PAQR3: variants seen among roughly 807,000 people sequenced by gnomAD.
PAQR3 encodes the protein Raf kinase trapping to Golgi.
A neutral mutation model predicts 41.7 loss-of-function variants in PAQR3; 39 were observed. The observed-to-expected ratio is 0.93, with a 90% CI of 0.72 to 1.22. PAQR3 has a LOEUF of 1.22. Ranked by LOEUF, PAQR3 falls within the 50% of genes most tolerant of loss-of-function variation. The pLI is 0.00. For missense variants in PAQR3, 366 were observed against 385.6 expected (o/e 0.95, Z 0.42); for synonymous variants, 140 against 140.6 (o/e 1.00, Z 0.03).
At chr4:78,930,380 T>C (rs1430473621) in intron 2 of PAQR3, 55 bp from the exon 3 acceptor site, 2 of 1,532,426 alleles carry the variant, frequency 1.3e-6, no homozygotes, top group Non-Finnish European at 1.8e-6. Flanking sequence ...AAGCAACTTA[T>C]GCATGATATT....
chr4:78,931,742 T>C (rs1309134722), intron 2 of PAQR3, among the ~76,000 whole-genome samples: 1 of 152,172 alleles, frequency 6.6e-6, no homozygotes, highest in Non-Finnish European at 1.5e-5. Context: ...AGGCAGATTT[T>C]AAAAGTTGGG....
At chr4:78,903,996 C>T (rs12644502) in intron 11 of PAQR3, among the ~76,000 whole-genome samples, 10,520 of 151,788 alleles carry the variant, frequency 0.069, 507 homozygotes, top group East Asian at 0.22. Flanking sequence ...AGATTTCTTA[C>T]GTATAAAAAG....
Position 78,939,261 on chromosome 4 carries a change from C to T in PAQR3, c.-37G>A. 6.4e-7 allele frequency: 1 copy of T among 1,553,660 alleles called. No individual in the cohort carries two copies. The highest frequency in any genetic ancestry group is 1.2e-5 in the South Asian group (1 of 84,152). On this transcript the variant is annotated 5_prime_UTR_variant, in exon 1 of 6. Transcript: ENST00000512733. ...GCCGCCGCTCCCCGGCTCGGGAGCT[C>T]CCCCAGGTCCCGCCTCCCCGGGGAG...
chr4:78,935,066 G>A (rs533435040), intron 2 of PAQR3, 55 bp downstream of exon 2: 6 of 1,562,628 alleles, frequency 3.8e-6, no homozygotes, highest in South Asian at 3.5e-5. Flanking sequence ...ACCTGACCAA[G>A]ACTGCCTGTC....
At chr4:78,929,792 A>G (rs1481149099) in intron 3 of PAQR3, among the ~76,000 whole-genome samples, 1 of 152,232 alleles carries the variant, frequency 6.6e-6, no homozygotes, top group African/African-American at 2.4e-5. Flanking sequence ...GCAGTAACCA[A>G]CTTCATAATT....
chr4:78,906,998 A>T (rs960788604), downstream of PAQR3, among the ~76,000 whole-genome samples: 2 of 152,156 alleles, frequency 1.3e-5, no homozygotes, highest in African/African-American at 4.8e-5. Context: ...AGTGAAATTG[A>T]TACTAAAAAA....
In PAQR3 at chr4:78,921,029, G is replaced by A. The variant is rs541776626; in HGVS notation, c.794-348C>T. Among the ~76,000 whole-genome samples, 12 of 152,002 alleles carry A rather than the reference G, an allele frequency of 7.9e-5. No homozygotes were observed. In the South Asian group the frequency reaches 2.3e-3, roughly 29 times the overall value. On this transcript the variant is annotated intron_variant, in intron 5 of 5. Coordinates refer to ENST00000512733, the MANE Select transcript of PAQR3 (RefSeq NM_001040202.2). Reference sequence around the variant, plus strand: ...TTATTGAGAGAGGCAAAAGAAACCAGATGTTAAAAATCATGGTGTGATTTA... The same window carrying A: ...TTATTGAGAGAGGCAAAAGAAACCAAATGTTAAAAATCATGGTGTGATTTA...
intron 12 of PAQR3, among the ~76,000 whole-genome samples, chr4:78,887,798 G>A (rs1733180484): frequency 6.6e-6 from 1 of 152,158 alleles, no homozygotes; most frequent in Admixed American, 6.6e-5. Flanking sequence ...ACACTTGGAA[G>A]ATACTAGGAT....
At chr4:78,933,745 T>C (rs976700034) in intron 2 of PAQR3, among the ~76,000 whole-genome samples, 3 of 152,222 alleles carry the variant, frequency 2.0e-5, no homozygotes, top group African/African-American at 7.2e-5. Flanking sequence ...GAAATTGTTG[T>C]AATTATTTAA....
intron 10 of PAQR3, chr4:78,906,247 C>T (rs1734277949): frequency 6.6e-6 from 1 of 152,060 alleles, no homozygotes; most frequent in Admixed American, 6.6e-5. Context: ...AAGTTTATAA[C>T]AGCAGTAAAA....
intron 3 of PAQR3, among the ~76,000 whole-genome samples, chr4:78,928,363 A>G (rs908834071): frequency 6.6e-6 from 1 of 152,230 alleles, no homozygotes; most frequent in Non-Finnish European, 1.5e-5. Context: ...CAACAAGGTT[A>G]CCTGCATATA....
Position 78,931,593 on chromosome 4 carries a change from TA to T in PAQR3, c.349-1269del, listed in dbSNP as rs367963536. 1.1e-3 allele frequency among the ~76,000 whole-genome samples: 161 copies of T among 152,180 alleles called. 4 individuals carry two copies. The South Asian group carries it at 0.031, about 30-fold the overall frequency. On this transcript the variant is annotated intron_variant, in intron 2 of 5. Coordinates refer to ENST00000512733, the MANE Select transcript of PAQR3 (RefSeq NM_001040202.2). Reference sequence around the variant, plus strand: ...TGATACAGAATCACTGAACAAACAGTACAGTAACAAATCCTACTGTACTTCA... The same window carrying T: ...TGATACAGAATCACTGAACAAACAGTCAGTAACAAATCCTACTGTACTTCA...
intron 11 of PAQR3, among the ~76,000 whole-genome samples, chr4:78,904,063 TATGAAA>T (rs1290819170): frequency 6.6e-6 from 1 of 151,886 alleles, no homozygotes; most frequent in African/African-American, 2.4e-5. Flanking sequence ...TAATTGGAAT[TATGAAA>T]GAGTATTAAA....
At chr4:78,923,095 G>A (rs1735826971) in intron 5 of PAQR3, 1 of 396,628 alleles carries the variant, frequency 2.5e-6, no homozygotes, top group Admixed American at 3.0e-5. Context: ...CCTAAAGCCA[G>A]CTTTGTCACC....
intron 11 of PAQR3, chr4:78,899,057 T>C (rs778802674): frequency 9.2e-5 from 14 of 152,244 alleles, no homozygotes; most frequent in Non-Finnish European, 1.8e-4. Context: ...AGGTTGGAAG[T>C]AGAGCAGGTC....
chr4:78,935,323 C>T, intron 1 of PAQR3, 40 bp from the exon 2 acceptor site: 1 of 1,577,702 alleles, frequency 6.3e-7, no homozygotes, highest in Non-Finnish European at 8.6e-7. Context: ...TTCACATTGG[C>T]CAACTTACTG....
chr4:78,928,277 C>G (rs768286260), intron 3 of PAQR3, among the ~76,000 whole-genome samples: 1 of 152,058 alleles, frequency 6.6e-6, no homozygotes. Flanking sequence ...AAGATATAAA[C>G]AGTTTCATGC....
intron 4 of PAQR3, among the ~76,000 whole-genome samples, chr4:78,925,935 T>C: frequency 6.6e-6 from 1 of 152,218 alleles, no homozygotes; most frequent in Middle Eastern, 3.2e-3. Flanking sequence ...TAGCTCTTCT[T>C]TTATTTCTCA....
intron 3 of PAQR3, among the ~76,000 whole-genome samples, chr4:78,928,323 A>G (rs1328610468): frequency 6.6e-6 from 1 of 152,228 alleles, no homozygotes; most frequent in East Asian, 1.9e-4. Context: ...GCAGAAATAA[A>G]TAGCATACTG....
Sources: allele counts gnomAD v4.1 joint callset (sites outside exome capture counted in the v4.1 genomes callset), GRCh38; gene constraint gnomAD v4.1.1; transcripts MANE v1.5; gene names NCBI Gene and HGNC (gene_info 2026-07-23, HGNC 2026-07-21).